PXDNL: variants seen among roughly 807,000 people sequenced by gnomAD.
PXDNL encodes the protein probable oxidoreductase PXDNL.
A neutral mutation model predicts 150.8 loss-of-function variants in PXDNL; 145 were observed. The ratio of observed to expected loss-of-function variants is 0.96; its 90% confidence interval spans 0.84 to 1.10. PXDNL has a LOEUF of 1.10. PXDNL is among the 50% of genes least tolerant of loss of function. The probability of loss-of-function intolerance (pLI) is 0.00; values close to 1 mark genes in which losing one functional copy is unlikely to be tolerated. For synonymous variants in PXDNL, 757 were observed against 725.7 expected, an observed-to-expected ratio of 1.04 and a Z score of -0.69; for missense variants, 2,087 against 1,873.9, an observed-to-expected ratio of 1.11 and a Z score of -2.10.
At chr8:51,753,611 T>C (rs975590772) in intron 1 of PXDNL, among the ~76,000 whole-genome samples, 4 of 152,218 alleles carry the variant, frequency 2.6e-5, no homozygotes, top group Non-Finnish European at 4.4e-5. Flanking sequence ...AAAAGGTTCA[T>C]TGGGTTTTTT....
At chr8:51,520,139 C>A (rs1298578891) in intron 4 of PXDNL, among the ~76,000 whole-genome samples, 1 of 152,012 alleles carries the variant, frequency 6.6e-6, no homozygotes, top group Non-Finnish European at 1.5e-5. Context: ...CCCTCCCACG[C>A]GGCAGGGAAA....
chr8:51,488,899 A>C (rs1010098943), intron 5 of PXDNL, among the ~76,000 whole-genome samples: 30 of 152,254 alleles, frequency 2.0e-4, no homozygotes, highest in African/African-American at 7.0e-4. Flanking sequence ...AGAAAGCATT[A>C]CAATTATTAC....
chr8:51,321,900 T>C (rs1156966440), intron 21 of PXDNL, among the ~76,000 whole-genome samples: 2 of 152,180 alleles, frequency 1.3e-5, no homozygotes, highest in Non-Finnish European at 2.9e-5. Flanking sequence ...CCAAAATTCA[T>C]AAGTTGAAGC....
rs1224715105 is a variant in PXDNL at position 51,600,379 on chromosome 8, T to G, written c.237-7681A>C. On this transcript the variant is annotated intron_variant, in intron 2 of 22. Coordinates refer to ENST00000356297, the MANE Select transcript of PXDNL (RefSeq NM_144651.5). ...TAAATTATATCTTGTATAAATTATA[T>G]CGTTTAGATAATAAATTATATCTTA... 8.5e-5 allele frequency among the ~76,000 whole-genome samples: 11 copies of G among 128,894 alleles called. 1 individual carries two copies. Among genetic ancestry groups the G allele is most frequent in the Non-Finnish European group, 1.6e-4 (10 of 62,926 alleles). 84.6% of individuals were successfully genotyped at this position (128,894 alleles called of 152,430 possible).
intron 1 of PXDNL, among the ~76,000 whole-genome samples, chr8:51,703,521 T>G (rs566215044): frequency 6.6e-6 from 1 of 152,226 alleles, no homozygotes; most frequent in African/African-American, 2.4e-5. Flanking sequence ...ACCTTTTATT[T>G]GCCATCTTGC....
At chr8:51,602,812 T>C (rs1327233995) in intron 2 of PXDNL, among the ~76,000 whole-genome samples, 1 of 151,668 alleles carries the variant, frequency 6.6e-6, no homozygotes, top group Non-Finnish European at 1.5e-5. Context: ...ATTTCTACTT[T>C]TAGCTTTCTT....
At chr8:51,446,457 T>C (rs1809679100) in intron 12 of PXDNL, among the ~76,000 whole-genome samples, 1 of 152,246 alleles carries the variant, frequency 6.6e-6, no homozygotes, top group Non-Finnish European at 1.5e-5. Context: ...TATATTGGAA[T>C]TATCTTTAAA....
At chr8:51,426,914 T>C (rs1421368989) in intron 12 of PXDNL, among the ~76,000 whole-genome samples, 156 bp from the exon 13 acceptor site, 2 of 152,198 alleles carry the variant, frequency 1.3e-5, no homozygotes, top group Admixed American at 1.3e-4. Flanking sequence ...ATAACAAGCA[T>C]CACACCCAGG....
chr8:51,726,984 C>T (rs1054396292), intron 1 of PXDNL, among the ~76,000 whole-genome samples: 2 of 152,168 alleles, frequency 1.3e-5, no homozygotes, highest in South Asian at 2.1e-4. Flanking sequence ...AATGACAGAA[C>T]AATCATGGTC....
At chr8:51,336,287 T>C (rs954525072) in intron 21 of PXDNL, among the ~76,000 whole-genome samples, 1 of 152,216 alleles carries the variant, frequency 6.6e-6, no homozygotes, top group African/African-American at 2.4e-5. Context: ...CAAAGGGTTT[T>C]TGTAAAAAGC....
intron 1 of PXDNL, among the ~76,000 whole-genome samples, chr8:51,776,837 C>A (rs1266795901): frequency 6.6e-6 from 1 of 152,076 alleles, no homozygotes. Context: ...ACATGTATCA[C>A]AATAGTCCTA....
At chr8:51,784,486 T>C (rs2037442778) in intron 1 of PXDNL, among the ~76,000 whole-genome samples, 1 of 152,196 alleles carries the variant, frequency 6.6e-6, no homozygotes. Context: ...AGTAGCAGAG[T>C]AACCATAGGG....
In PXDNL at chr8:51,472,273, A is replaced by G. The variant is rs773674302; in HGVS notation, c.726T>C (p.Asp242=). The G allele has an allele frequency of 6.2e-7, 1 of 1,613,318 alleles. No homozygotes were observed. Among genetic ancestry groups the G allele is most frequent in the Admixed American group, 1.7e-5 (1 of 60,008 alleles). The change falls in exon 8 of 23, where the codon GAT becomes GAC. Residue 242 remains aspartate (D), a synonymous_variant. Coordinates refer to ENST00000356297, the MANE Select transcript of PXDNL (RefSeq NM_144651.5). ...CGGTATTTCCTGATGGTACCTCCAC[A>G]TCCTGCGGCTCAAAAGTAATTCGGG... ...QSPRITFEPQ[D]VEVPSGNTVY...
chr8:51,351,484 G>A (rs1469459225), intron 19 of PXDNL, among the ~76,000 whole-genome samples: 1 of 152,162 alleles, frequency 6.6e-6, no homozygotes, highest in African/African-American at 2.4e-5. Context: ...GGCATAGAAT[G>A]CATTCTCCCA....
At chr8:51,574,204 A>T (rs1813003926) in intron 3 of PXDNL, among the ~76,000 whole-genome samples, 1 of 152,022 alleles carries the variant, frequency 6.6e-6, no homozygotes, top group African/African-American at 2.4e-5. Flanking sequence ...GCCTTAAAAA[A>T]CAAATAGGAA....
intron 1 of PXDNL, among the ~76,000 whole-genome samples, chr8:51,718,942 G>A (rs1246520761): frequency 6.6e-6 from 1 of 152,054 alleles, no homozygotes; most frequent in Non-Finnish European, 1.5e-5. Context: ...CCGGGAGGGA[G>A]GCGGGGGGCA....
intron 20 of PXDNL, among the ~76,000 whole-genome samples, chr8:51,341,672 C>CCAA (rs1805987937): frequency 6.6e-6 from 1 of 152,202 alleles, no homozygotes; most frequent in African/African-American, 2.4e-5. Flanking sequence ...CACTAAGAAT[C>CCAA]CAACTATTTT....
intron 21 of PXDNL, among the ~76,000 whole-genome samples, chr8:51,324,082 T>C (rs1441522219): frequency 2.6e-5 from 4 of 152,204 alleles, no homozygotes; most frequent in Non-Finnish European, 5.9e-5. Flanking sequence ...ATGTGTTCAT[T>C]GTTAGTATAC....
intron 5 of PXDNL, among the ~76,000 whole-genome samples, chr8:51,490,636 A>G (rs988507966): frequency 2.0e-5 from 3 of 149,282 alleles, no homozygotes; most frequent in South Asian, 2.1e-4. Context: ...ATATATATAT[A>G]CATATATATA....
Sources: gnomAD v4.1 joint callset for allele counts (sites outside exome capture counted in the v4.1 genomes callset) on GRCh38, gnomAD v4.1.1 for gene constraint, MANE v1.5 for transcripts, NCBI Gene and HGNC (gene_info 2026-07-23, HGNC 2026-07-21) for gene names.